ROR1: variants seen among roughly 807,000 people sequenced by gnomAD.
ROR1 encodes the protein inactive tyrosine-protein kinase transmembrane receptor ROR1.
A neutral mutation model predicts 78.8 loss-of-function variants in ROR1; 19 were observed. The observed-to-expected ratio is 0.24, with a 90% CI of 0.17 to 0.35. The LOEUF (loss-of-function observed/expected upper bound fraction) is 0.35. ROR1 is among the 10% of genes least tolerant of loss of function. The probability of loss-of-function intolerance (pLI) is 1.00; values close to 1 mark genes in which losing one functional copy is unlikely to be tolerated. For missense variants in ROR1, 917 were observed against 1,177.8 expected (o/e 0.78, Z 3.24); for synonymous variants, 386 against 433.6 (o/e 0.89, Z 1.36).
rs572976391 is a variant in ROR1, at chr1:63,922,416, CTA to C, written c.92-86886_92-86885del. On this transcript the variant is annotated intron_variant, in intron 1 of 8. Transcript: ENST00000371079. ...ACGTGATTCTCTCCTTTTCATAAGA[CTA>C]TAAAGTTAGCAACCTCTGGTATCTG... Among the ~76,000 whole-genome samples the C allele has an allele frequency of 1.5e-3, 226 of 152,254 alleles. 1 individual carries two copies. Among genetic ancestry groups the C allele is most frequent in the Non-Finnish European group, 2.3e-3 (156 of 68,024 alleles).
intron 1 of ROR1, among the ~76,000 whole-genome samples, chr1:63,992,116 G>T (rs1646301020): frequency 6.6e-6 from 1 of 152,010 alleles, no homozygotes. Context: ...ATATGTCAGA[G>T]TCTGTTAGTA....
At chr1:63,996,118 A>T (rs1483121450) in intron 1 of ROR1, among the ~76,000 whole-genome samples, 1 of 152,166 alleles carries the variant, frequency 6.6e-6, no homozygotes, top group East Asian at 1.9e-4. Context: ...ATACTGTGAG[A>T]TACTGTGAGT....
At chr1:63,846,158 GT>G (rs1645079941) in intron 1 of ROR1, among the ~76,000 whole-genome samples, 1 of 118,532 alleles carries the variant, frequency 8.4e-6, no homozygotes, top group Admixed American at 8.0e-5. Context: ...GTGTGTGTGT[GT>G]GTGTGTGTGT....
intron 1 of ROR1, among the ~76,000 whole-genome samples, chr1:63,908,830 G>A (rs868110163): frequency 6.6e-6 from 1 of 152,192 alleles, no homozygotes; most frequent in African/African-American, 2.4e-5. Context: ...GCCTGATCCG[G>A]CCCCTACCAT....
rs3850638 is a variant in ROR1 at position 64,064,008 on chromosome 1, A to C, written c.482+13292A>C. ...TTGTAGACACCAAAGGAGTTGCAGC[A>C]GCAGAAACTGTGCCTGGATGGCAAC... is the stretch of plus-strand genomic sequence containing the variant. On this transcript the variant is annotated intron_variant, in intron 4 of 8. Transcript: ENST00000371079. Among the ~76,000 whole-genome samples the C allele has an allele frequency of 7.1e-3, 1,086 of 152,374 alleles. 6 individuals are homozygous for C. The highest frequency in any genetic ancestry group is 0.011 in the Non-Finnish European group (747 of 68,038).
rs144731537 is a variant in ROR1 at position 63,798,829 on chromosome 1, C to T, written c.91+24321C>T. Among the ~76,000 whole-genome samples the T allele has an allele frequency of 8.7e-3, 1,322 of 151,670 alleles. 9 individuals are homozygous for T. Among genetic ancestry groups the T allele is most frequent in the Middle Eastern group, 0.02 (6 of 294 alleles). ...AGATGAGGCAACTGAGACTCAGAAA[C>T]GTTAAGCAAAAGTATCTCTGGTTCA... On this transcript the variant is annotated intron_variant, in intron 1 of 8. Transcript: ENST00000371079.
intron 2 of ROR1, among the ~76,000 whole-genome samples, chr1:64,013,521 G>C (rs1646493834): frequency 6.6e-6 from 1 of 152,092 alleles, no homozygotes. Flanking sequence ...CTCTGACTGG[G>C]TTTGTTCTTC....
intron 2 of ROR1, among the ~76,000 whole-genome samples, chr1:64,025,094 G>A (rs952056348): frequency 2.6e-5 from 4 of 152,146 alleles, no homozygotes; most frequent in Non-Finnish European, 5.9e-5. Flanking sequence ...GATCAAAACA[G>A]TCACTTATAT....
rs755318890 is a variant in ROR1 at position 64,137,528 on chromosome 1, C to T, written c.610+32C>T. ...AGCACCAATGAAATTATATTTGTCC[C>T]TTGAATAACTATTTTTCTCGCCAAA... On this transcript the variant is annotated intron_variant, in intron 5 of 8. Coordinates refer to ENST00000371079, the MANE Select transcript of ROR1 (RefSeq NM_005012.4). 5.0e-6 allele frequency: 8 copies of T among 1,595,310 alleles called. No homozygotes were observed. In the East Asian group the frequency reaches 1.6e-4, roughly 31 times the overall value.
intron 1 of ROR1, among the ~76,000 whole-genome samples, chr1:63,922,807 C>T (rs534841947): frequency 1.3e-5 from 2 of 152,270 alleles, no homozygotes; most frequent in South Asian, 4.1e-4. Flanking sequence ...GACTTATACA[C>T]AGCCTAACTA....
intron 1 of ROR1, among the ~76,000 whole-genome samples, chr1:63,883,314 C>G (rs1318105710): frequency 6.6e-6 from 1 of 152,124 alleles, no homozygotes; most frequent in Non-Finnish European, 1.5e-5. Flanking sequence ...TAAGTTGTGT[C>G]TCTTGTTGGG....
At chr1:64,140,521 C>A in intron 6 of ROR1, 95 bp downstream of exon 6, 1 of 1,150,584 alleles carries the variant, frequency 8.7e-7, no homozygotes, top group Non-Finnish European at 1.2e-6. Flanking sequence ...GATTTTCATA[C>A]TGTTAATCAA....
At chr1:63,900,538 G>A (rs916940825) in intron 1 of ROR1, among the ~76,000 whole-genome samples, 2 of 151,790 alleles carry the variant, frequency 1.3e-5, no homozygotes, top group Non-Finnish European at 2.9e-5. Flanking sequence ...GGTGAAGCCT[G>A]TGAGGTGCCT....
chr1:63,868,718 G>A (rs752283251), intron 1 of ROR1, among the ~76,000 whole-genome samples: 1 of 152,170 alleles, frequency 6.6e-6, no homozygotes. Context: ...TCTCCACCCC[G>A]TGGACAGAAG....
At chr1:63,983,132 T>C (rs1339872917) in intron 1 of ROR1, among the ~76,000 whole-genome samples, 1 of 152,212 alleles carries the variant, frequency 6.6e-6, no homozygotes, top group Non-Finnish European at 1.5e-5. Flanking sequence ...ATGTGCCAGG[T>C]ATGATGCTCC....
intron 4 of ROR1, among the ~76,000 whole-genome samples, chr1:64,053,069 C>G (rs2100595669): frequency 6.6e-6 from 1 of 152,274 alleles, no homozygotes. Context: ...AATATCATAA[C>G]ATTGAGGTCC....
intron 4 of ROR1, among the ~76,000 whole-genome samples, chr1:64,120,560 C>T (rs1354810710): frequency 6.6e-6 from 1 of 151,626 alleles, no homozygotes; most frequent in Non-Finnish European, 1.5e-5. Context: ...TTTACACTTA[C>T]CACACATCTC....
chr1:63,959,380 C>G (rs778339099), intron 1 of ROR1, among the ~76,000 whole-genome samples: 2 of 152,146 alleles, frequency 1.3e-5, no homozygotes, highest in African/African-American at 2.4e-5. Flanking sequence ...AGACAGCTAG[C>G]AGTAACTGTC....
chr1:63,901,686 G>T (rs1048731441), intron 1 of ROR1, among the ~76,000 whole-genome samples: 2 of 150,392 alleles, frequency 1.3e-5, no homozygotes, highest in African/African-American at 4.9e-5. Context: ...TTTCTTAAAG[G>T]ATACATTAGC....
Sources: allele counts gnomAD v4.1 joint callset (sites outside exome capture counted in the v4.1 genomes callset), GRCh38; gene constraint gnomAD v4.1.1; transcripts MANE v1.5; gene names NCBI Gene and HGNC (gene_info 2026-07-23, HGNC 2026-07-21).